Variants in CELF2 observed in about 807,000 individuals in gnomAD.
CELF2 encodes the protein CUG triplet repeat RNA-binding protein 2.
CELF2 carries 8 observed loss-of-function variants against 62.6 expected under a neutral mutation model. That is an observed-to-expected ratio of 0.13 (90% confidence interval 0.07 to 0.23). The LOEUF (loss-of-function observed/expected upper bound fraction) is 0.23, where lower values mean the gene tolerates loss of function less well. Ranked by LOEUF, CELF2 falls within the 10% of genes least tolerant of loss-of-function variation. CELF2 has a pLI of 1.00. For missense variants in CELF2, 333 were observed against 671.0 expected (o/e 0.50, Z 5.56); for synonymous variants, 258 against 250.0 (o/e 1.03, Z -0.30).
the CELF2 span, among the ~76,000 whole-genome samples, chr10:10,593,032 G>A: frequency 2.0e-5 from 3 of 152,306 alleles, no homozygotes; most frequent in East Asian, 1.9e-4. Context: ...ACCAGGCTGA[G>A]AGAAAGGGCA....
chr10:10,552,901 G>C, the CELF2 span, among the ~76,000 whole-genome samples: 1 of 152,234 alleles, frequency 6.6e-6, no homozygotes, highest in African/African-American at 2.4e-5. Flanking sequence ...GTCCCAGCCA[G>C]TCAGATTCCT....
At position 11,320,739 on chromosome 10, in the gene CELF2, C is replaced by A. The variant is rs1206652237; in HGVS notation, c.1097-450C>A. 3.2e-5 allele frequency: 35 copies of A among 1,081,536 alleles called. No homozygotes were observed. The Admixed American group carries it at 8.2e-4, about 25-fold the overall frequency. 67.0% of individuals were successfully genotyped at this position (1,081,536 alleles called of 1,614,324 possible). A position where few individuals can be genotyped will look rare whatever the true frequency, so the allele number is the denominator to read the frequency against. On this transcript the variant is annotated intron_variant, in intron 10 of 12. Transcript: ENST00000633077. Reference sequence around the variant, plus strand: ...AAAAGTTTTATTTCATCCTTTCCTCCTCAGCCCTGCAAGCTATCCCATAGT... The same window carrying A: ...AAAAGTTTTATTTCATCCTTTCCTCATCAGCCCTGCAAGCTATCCCATAGT...
At chr10:10,981,443 G>A (rs187839022) in intron 2 of CELF2, among the ~76,000 whole-genome samples, 116 of 152,296 alleles carry the variant, frequency 7.6e-4, no homozygotes, top group Admixed American at 1.6e-3. Flanking sequence ...TGAAGAATCC[G>A]CAGCGACGGT....
chr10:11,098,703 G>A lies in CELF2; in HGVS notation c.75-66783G>A, dbSNP rs771610037. Among the ~76,000 whole-genome samples the A allele has an allele frequency of 1.8e-4, 28 of 152,156 alleles. No individual in the cohort carries two copies. The highest frequency in any genetic ancestry group is 4.6e-4 in the Admixed American group (7 of 15,284). On this transcript the variant is annotated intron_variant, in intron 1 of 12. Transcript: ENST00000633077. This position sits in a 1 kb window ranked among gnomAD's most constrained non-coding sequence, Gnocchi z 4.0. ...CTCTGTAGAAATAACAAAGGCCCTG[G>A]ATACAGTAGAATGTCTGGCCTTACT... is the stretch of plus-strand genomic sequence containing the variant.
the CELF2 span, among the ~76,000 whole-genome samples, chr10:10,617,269 T>C: frequency 6.6e-6 from 1 of 152,160 alleles, no homozygotes; most frequent in Admixed American, 6.5e-5. Context: ...TAACATGTAT[T>C]GATCCCTCAC....
At chr10:11,258,280 A>G (rs779166514) in intron 5 of CELF2, among the ~76,000 whole-genome samples, 1 of 152,234 alleles carries the variant, frequency 6.6e-6, no homozygotes, top group African/African-American at 2.4e-5. Flanking sequence ...GTATGTTAAG[A>G]GTACAGTGAC....
chr10:10,612,525 G>C, the CELF2 span, among the ~76,000 whole-genome samples: 3 of 152,292 alleles, frequency 2.0e-5, no homozygotes, highest in Admixed American at 2.0e-4. Flanking sequence ...GACACATTCT[G>C]TATGGAGGGA....
At chr10:11,000,173 GT>G (rs984742845) in intron 2 of CELF2, among the ~76,000 whole-genome samples, 2 of 150,140 alleles carry the variant, frequency 1.3e-5, no homozygotes, top group African/African-American at 4.9e-5. Flanking sequence ...TTGTTTGTTT[GT>G]TTTTTTAATC....
At chr10:10,765,963 C>T in the CELF2 span, among the ~76,000 whole-genome samples, 7 of 152,312 alleles carry the variant, frequency 4.6e-5, no homozygotes, top group Admixed American at 3.3e-4. Flanking sequence ...CGCACTGGGC[C>T]ACCCTCCCAG....
intron 1 of CELF2, among the ~76,000 whole-genome samples, chr10:11,073,877 T>C (rs995546982): frequency 1.3e-5 from 2 of 152,234 alleles, no homozygotes; most frequent in African/African-American, 4.8e-5. Context: ...TTCATGATTT[T>C]GGTTATACAT....
At chr10:10,829,387 A>G (rs968438439) in intron 1 of CELF2, among the ~76,000 whole-genome samples, 2 of 152,186 alleles carry the variant, frequency 1.3e-5, no homozygotes, top group Non-Finnish European at 2.9e-5. Flanking sequence ...TTCCAACCTA[A>G]TTGTTAACAA....
chr10:10,982,578 T>C (rs2052270909), intron 2 of CELF2, among the ~76,000 whole-genome samples: 1 of 152,158 alleles, frequency 6.6e-6, no homozygotes, highest in Non-Finnish European at 1.5e-5. Flanking sequence ...AGGAATGAGG[T>C]CCAGGAAAGA....
At chr10:10,775,597 G>A in the CELF2 span, among the ~76,000 whole-genome samples, 1 of 142,798 alleles carries the variant, frequency 7.0e-6, no homozygotes, top group South Asian at 2.4e-4. Flanking sequence ...CTGCATGACA[G>A]AGAGAGACTC....
the CELF2 span, among the ~76,000 whole-genome samples, chr10:10,533,874 G>A: frequency 3.3e-5 from 5 of 152,148 alleles, no homozygotes; most frequent in Non-Finnish European, 7.4e-5. Flanking sequence ...GGAAGTCACT[G>A]GCGGATAATA....
the CELF2 span, among the ~76,000 whole-genome samples, chr10:10,765,523 T>C: frequency 6.6e-6 from 1 of 152,162 alleles, no homozygotes; most frequent in Non-Finnish European, 1.5e-5. Context: ...CCGACCACAA[T>C]TGGGCTTTAT....
At chr10:11,209,214 A>G (rs2061185948) in intron 2 of CELF2, among the ~76,000 whole-genome samples, 1 of 152,194 alleles carries the variant, frequency 6.6e-6, no homozygotes, top group South Asian at 2.1e-4. Flanking sequence ...GAGAGAGCTG[A>G]GAGGCAAGGG....
chr10:10,821,341 G>A (rs1429360071), intron 1 of CELF2, among the ~76,000 whole-genome samples: 1 of 152,216 alleles, frequency 6.6e-6, no homozygotes, highest in Non-Finnish European at 1.5e-5. Context: ...CTGGGTGCAT[G>A]TGTGTGGGCA....
At chr10:11,135,810 C>A (rs1425504609) in intron 1 of CELF2, among the ~76,000 whole-genome samples, 1 of 152,060 alleles carries the variant, frequency 6.6e-6, no homozygotes, top group Admixed American at 6.6e-5. Flanking sequence ...TAGCACTTGT[C>A]AAGGTATGGT....
chr10:11,028,535 T>C (rs957786003), intron 1 of CELF2, among the ~76,000 whole-genome samples: 1 of 151,086 alleles, frequency 6.6e-6, no homozygotes, highest in African/African-American at 2.4e-5. Flanking sequence ...TTCTCTTGCC[T>C]CAGCCTCCCG....
Sources: gnomAD v4.1 joint callset for allele counts (sites outside exome capture counted in the v4.1 genomes callset) on GRCh38, gnomAD v4.1.1 for gene constraint, Gnocchi (gnomAD v3.1) non-coding constraint, MANE v1.5 for transcripts, NCBI Gene and HGNC (gene_info 2026-07-23, HGNC 2026-07-21) for gene names.